The following SORCS1 variants were observed in gnomAD, a reference collection of about 807,000 sequenced individuals.
The protein encoded by SORCS1 is sortilin related VPS10 domain containing receptor 1.
SORCS1 carries 60 observed loss-of-function variants against 146.1 expected under a neutral mutation model. The observed-to-expected ratio is 0.41, with a 90% CI of 0.33 to 0.51. The LOEUF (loss-of-function observed/expected upper bound fraction) is 0.51, where lower values mean the gene tolerates loss of function less well. Ranked by LOEUF, SORCS1 falls within the 20% of genes least tolerant of loss-of-function variation. The pLI, the probability that SORCS1 is intolerant of heterozygous loss-of-function variation, is 0.21. For missense variants in SORCS1, 1,352 were observed against 1,487.6 expected (o/e 0.91, Z 1.50); for synonymous variants, 637 against 584.0 (o/e 1.09, Z -1.31).
At chr10:106,892,462 C>G (rs1365499998) in intron 2 of SORCS1, among the ~76,000 whole-genome samples, 3 of 152,212 alleles carry the variant, frequency 2.0e-5, no homozygotes, top group Admixed American at 2.0e-4. Flanking sequence ...GCACATTTCA[C>G]TCTTCTGGGT....
chr10:106,726,947 G>A (rs774915793), intron 6 of SORCS1, among the ~76,000 whole-genome samples: 9 of 152,060 alleles, frequency 5.9e-5, no homozygotes, highest in Non-Finnish European at 1.0e-4. Context: ...TTAGCCGGGC[G>A]TGGTAGCGGG....
chr10:106,856,891 G>C (rs1949807836), intron 2 of SORCS1, among the ~76,000 whole-genome samples: 2 of 152,184 alleles, frequency 1.3e-5, no homozygotes, highest in Non-Finnish European at 2.9e-5. Flanking sequence ...TCCAATTCGG[G>C]GGACAGCATT....
intron 1 of SORCS1, among the ~76,000 whole-genome samples, chr10:107,013,244 A>G (rs982521278): frequency 6.6e-6 from 1 of 152,180 alleles, no homozygotes; most frequent in Non-Finnish European, 1.5e-5. Context: ...CAAGGGATCA[A>G]GCTACTAGGA....
intron 2 of SORCS1, among the ~76,000 whole-genome samples, chr10:106,944,802 C>G (rs11193126): frequency 7.0e-6 from 1 of 143,480 alleles, no homozygotes; most frequent in African/African-American, 2.6e-5. Flanking sequence ...TAAAATCATT[C>G]TAGATCATGA....
intron 3 of SORCS1, among the ~76,000 whole-genome samples, chr10:106,811,627 G>A (rs1947464434): frequency 6.6e-6 from 1 of 152,120 alleles, no homozygotes; most frequent in African/African-American, 2.4e-5. Flanking sequence ...CCCTTGAAAG[G>A]CAACTGGGCA....
At chr10:106,967,840 A>C (rs1342516466) in intron 1 of SORCS1, among the ~76,000 whole-genome samples, 1 of 152,112 alleles carries the variant, frequency 6.6e-6, no homozygotes, top group African/African-American at 2.4e-5. Context: ...CAGAATTCTC[A>C]GTTTAGAGCT....
intron 2 of SORCS1, among the ~76,000 whole-genome samples, chr10:106,910,982 T>G (rs1388785578): frequency 6.6e-6 from 1 of 152,212 alleles, no homozygotes; most frequent in Non-Finnish European, 1.5e-5. Context: ...AGCAGAATAA[T>G]AAGACTTGAA....
intron 1 of SORCS1, among the ~76,000 whole-genome samples, chr10:107,034,689 A>AAAAAAAAAAAC (rs1564953021): frequency 5.6e-5 from 8 of 143,880 alleles, no homozygotes; most frequent in African/African-American, 2.0e-4. Flanking sequence ...TCAAAAAAAA[A>AAAAAAAAAAAC]AAAAAAAAAA....
chr10:107,012,307 T>C (rs1475375786), intron 1 of SORCS1, among the ~76,000 whole-genome samples: 1 of 152,170 alleles, frequency 6.6e-6, no homozygotes, highest in Non-Finnish European at 1.5e-5. Context: ...TTTGCAGAAC[T>C]GCAGTGTAGT....
rs1207535295 is a variant in SORCS1, at chr10:106,926,860, CACACACAG to C, written c.626+29645_626+29652del. Among the ~76,000 whole-genome samples, 229 of 90,230 alleles carry C rather than the reference CACACACAG, an allele frequency of 2.5e-3. No individual in the cohort carries two copies. In the East Asian group the frequency reaches 0.036, roughly 14 times the overall value. The allele number at this position is 90,230 out of a possible 152,430, so 59.2% of individuals were successfully genotyped here. A position where few individuals can be genotyped will look rare whatever the true frequency, so the allele number is the denominator to read the frequency against. On this transcript the variant is annotated intron_variant, in intron 2 of 25. Coordinates refer to ENST00000263054, the MANE Select transcript of SORCS1 (RefSeq NM_052918.5). ...ACACACACACACACACACACACACA[CACACACAG>C]AGAGAGAGAGAGAGAGAGAGAGAGA...
chr10:107,036,910 G>T (rs1010645446), intron 1 of SORCS1, among the ~76,000 whole-genome samples: 3 of 152,140 alleles, frequency 2.0e-5, no homozygotes, highest in Non-Finnish European at 2.9e-5. Flanking sequence ...TATAAAGAAG[G>T]CTCCATTCTT....
intron 1 of SORCS1, among the ~76,000 whole-genome samples, chr10:107,052,399 T>C (rs962172231): frequency 1.3e-5 from 2 of 152,096 alleles, no homozygotes; most frequent in Non-Finnish European, 2.9e-5. Flanking sequence ...GCCATATAAA[T>C]TATCAACCTA....
chr10:106,684,512 C>G (rs1485507222), intron 10 of SORCS1, among the ~76,000 whole-genome samples: 1 of 152,158 alleles, frequency 6.6e-6, no homozygotes, highest in Non-Finnish European at 1.5e-5. Context: ...GGACCATGAC[C>G]TGTAATATTC....
At chr10:106,726,461 T>C (rs1430609062) in intron 6 of SORCS1, among the ~76,000 whole-genome samples, 1 of 151,162 alleles carries the variant, frequency 6.6e-6, no homozygotes, top group African/African-American at 2.4e-5. Flanking sequence ...CAGTTTGGCA[T>C]TATCAACCGC....
intron 5 of SORCS1, among the ~76,000 whole-genome samples, chr10:106,747,076 G>T (rs578196771): frequency 5.9e-5 from 9 of 152,052 alleles, no homozygotes; most frequent in Non-Finnish European, 1.2e-4. Context: ...TTGTCTTCTG[G>T]GATTTAGCTG....
intron 2 of SORCS1, among the ~76,000 whole-genome samples, chr10:106,953,970 G>C (rs998187228): frequency 1.3e-5 from 2 of 152,198 alleles, no homozygotes; most frequent in African/African-American, 4.8e-5. Flanking sequence ...TCCTTCAGAA[G>C]GGAAGCCTGA....
At chr10:106,977,141 T>G (rs55809510) in intron 1 of SORCS1, among the ~76,000 whole-genome samples, 34,247 of 152,134 alleles carry the variant, frequency 0.23, 4,637 homozygotes, top group Middle Eastern at 0.33. Context: ...GTGAGCGAAT[T>G]TACACTCCCA....
intron 13 of SORCS1, among the ~76,000 whole-genome samples, chr10:106,676,532 C>A (rs990221840): frequency 2.0e-5 from 3 of 152,082 alleles, no homozygotes; most frequent in African/African-American, 7.2e-5. Flanking sequence ...TACCTGTAAT[C>A]GTGCTGAGAG....
intron 1 of SORCS1, among the ~76,000 whole-genome samples, chr10:106,999,353 A>G (rs552601825): frequency 6.6e-6 from 1 of 152,306 alleles, no homozygotes; most frequent in Non-Finnish European, 1.5e-5. Context: ...TTCACATGGA[A>G]TCTCATTTTC....
Sources: gnomAD v4.1 joint callset for allele counts (sites outside exome capture counted in the v4.1 genomes callset) on GRCh38, gnomAD v4.1.1 for gene constraint, MANE v1.5 for transcripts, NCBI Gene and HGNC (gene_info 2026-07-23, HGNC 2026-07-21) for gene names.